The following GPC1 variants were observed in gnomAD, a reference collection of about 807,000 sequenced individuals.
GPC1 encodes glypican 1, also known as glypican-1.
GPC1 carries 26 observed loss-of-function variants against 51.5 expected under a neutral mutation model. The ratio of observed to expected loss-of-function variants is 0.50; its 90% CI spans 0.37 to 0.70. The LOEUF (loss-of-function observed/expected upper bound fraction) is 0.70. GPC1 is among the 30% of genes least tolerant of loss of function. GPC1 has a pLI of 0.00. For synonymous variants in GPC1, 380 were observed against 348.3 expected, an observed-to-expected ratio of 1.09 and a Z score of -1.01; for missense variants, 775 against 800.5, an observed-to-expected ratio of 0.97 and a Z score of 0.38.
intron 1 of GPC1, among the ~76,000 whole-genome samples, chr2:240,454,552 G>T (rs2074138235): frequency 6.6e-6 from 1 of 152,240 alleles, no homozygotes; most frequent in Non-Finnish European, 1.5e-5. Flanking sequence ...GAGCGGGGAG[G>T]CCTAGGCTCT....
Position 240,467,473 on chromosome 2 carries a change from C to T in GPC1, c.*1183C>T, listed in dbSNP as rs1368311467. ...ACCTTGGACCCTGGTGACCTCCTGT[C>T]ACTCACTGAGGCCATCAGGGCCCTG... On this transcript the variant is annotated 3_prime_UTR_variant, in exon 9 of 9. Coordinates refer to ENST00000264039, the MANE Select transcript of GPC1 (RefSeq NM_002081.3). The T allele has an allele frequency of 6.6e-6, 1 of 152,242 alleles. No homozygotes were observed. The highest frequency in any genetic ancestry group is 6.5e-5 in the Admixed American group (1 of 15,284). The allele number at this position is 152,242 out of a possible 1,614,324, so 9.4% of individuals were successfully genotyped here.
At chr2:240,462,973 C>T (rs2074229332) in intron 3 of GPC1, among the ~76,000 whole-genome samples, 1 of 152,200 alleles carries the variant, frequency 6.6e-6, no homozygotes, top group African/African-American at 2.4e-5. Flanking sequence ...CAGGGGGATG[C>T]CTTGGTCCCT....
chr2:240,446,259 G>A (rs1183244365), intron 1 of GPC1, among the ~76,000 whole-genome samples: 1 of 152,152 alleles, frequency 6.6e-6, no homozygotes, highest in East Asian at 1.9e-4. Context: ...TGCCGTGCGA[G>A]TGAGAGGGAC....
intron 1 of GPC1, chr2:240,455,925 GGGCCGCCTCGATCCAGCCTGCCCGA>G (rs2074155913): frequency 2.9e-6 from 1 of 342,298 alleles, no homozygotes; most frequent in Non-Finnish European, 5.7e-6. Flanking sequence ...GGGCCTCAGG[GGGCCGCCTCGATCCAGCCTGCCCGA>G]GGCTCCCAGG....
intron 1 of GPC1, chr2:240,451,810 G>C (rs2074101645): frequency 6.5e-6 from 1 of 153,626 alleles, no homozygotes; most frequent in African/African-American, 2.4e-5. Context: ...CCATCTGATG[G>C]ACCCCTGCCG....
intron 1 of GPC1, among the ~76,000 whole-genome samples, chr2:240,439,998 G>A (rs562772936): frequency 3.9e-4 from 59 of 152,342 alleles, no homozygotes; most frequent in African/African-American, 1.1e-3. Flanking sequence ...CACTCCTCAG[G>A]CACAGATGCC....
intron 1 of GPC1, chr2:240,458,213 C>T (rs539116550): frequency 7.6e-6 from 3 of 395,668 alleles, no homozygotes; most frequent in African/African-American, 4.1e-5. Flanking sequence ...TTTCCTGATG[C>T]CACACACCCA....
intron 2 of GPC1, among the ~76,000 whole-genome samples, chr2:240,460,635 C>A (rs568517291): frequency 6.6e-6 from 1 of 152,226 alleles, no homozygotes; most frequent in African/African-American, 2.4e-5. Context: ...CCTGCCGCCG[C>A]CCTCCCTCTG....
At chr2:240,455,044 G>A in intron 1 of GPC1, 1 of 185,748 alleles carries the variant, frequency 5.4e-6, no homozygotes, top group South Asian at 1.0e-4. Flanking sequence ...AGGCTGGTGG[G>A]GGCTTAGTGA....
intron 4 of GPC1, 89 bp from the exon 5 acceptor site, chr2:240,464,527 A>G (rs1403636242): frequency 1.4e-6 from 2 of 1,400,434 alleles, no homozygotes; most frequent in Non-Finnish European, 2.0e-6. Context: ...CTGCATTAAC[A>G]TGCACACGTG....
Position 240,459,144 on chromosome 2 carries a change from G to T in GPC1, c.281G>T (p.Arg94Leu). The change falls in exon 2 of 9, where the codon CGC becomes CTC. Residue 94 changes from arginine (R) to leucine (L), a missense_variant. By Grantham distance (102) the Arg-to-Leu change is moderately radical (BLOSUM62 -2). Transcript: ENST00000264039. Reference sequence around the variant, plus strand: ...GAGACCGCGCTCCGGGACAGCAGCCGCGTCCTGCAGGCCATGCTTGCCACC... The same window carrying T: ...GAGACCGCGCTCCGGGACAGCAGCCTCGTCCTGCAGGCCATGCTTGCCACC... ...ELETALRDSS[R>L]VLQAMLATQL... 1 of 1,612,576 alleles carries T rather than the reference G, an allele frequency of 6.2e-7. No homozygotes were observed. The highest frequency in any genetic ancestry group is 8.5e-7 in the Non-Finnish European group (1 of 1,179,846).
At chr2:240,463,273 G>A in intron 3 of GPC1, 74 bp from the exon 4 acceptor site, 2 of 1,356,400 alleles carry the variant, frequency 1.5e-6, no homozygotes, top group Non-Finnish European at 2.1e-6. Flanking sequence ...CTACCCTGGG[G>A]CTTCGTTAGG....
At chr2:240,459,255 G>A (rs1213158846) in intron 2 of GPC1, 67 bp downstream of exon 2, 6 of 1,444,516 alleles carry the variant, frequency 4.2e-6, no homozygotes, top group Admixed American at 1.9e-5. Flanking sequence ...GGCACACTGG[G>A]CCTTGCCTGG....
At chr2:240,441,399 G>A (rs2074016001) in intron 1 of GPC1, among the ~76,000 whole-genome samples, 1 of 152,202 alleles carries the variant, frequency 6.6e-6, no homozygotes, top group Non-Finnish European at 1.5e-5. Flanking sequence ...GGGCCAGTGA[G>A]AGGCTGGACG....
chr2:240,444,415 C>A (rs2074036893), intron 1 of GPC1, among the ~76,000 whole-genome samples: 1 of 152,192 alleles, frequency 6.6e-6, no homozygotes, highest in African/African-American at 2.4e-5. Context: ...CACTGTCCAT[C>A]CTGAGCCCCG....
chr2:240,438,970 C>T (rs758343677), intron 1 of GPC1, among the ~76,000 whole-genome samples: 2 of 152,144 alleles, frequency 1.3e-5, no homozygotes, highest in East Asian at 3.9e-4. Context: ...GGTGCCCCTG[C>T]GCTGCCAGGA....
intron 2 of GPC1, among the ~76,000 whole-genome samples, chr2:240,461,697 G>A (rs1455467588): frequency 1.3e-5 from 2 of 152,162 alleles, no homozygotes; most frequent in Non-Finnish European, 2.9e-5. Flanking sequence ...GCCGAGACAG[G>A]GTGGCGGGAG....
chr2:240,464,504 C>A (rs967963811), intron 4 of GPC1, 112 bp from the exon 5 acceptor site: 2 of 1,394,176 alleles, frequency 1.4e-6, no homozygotes, highest in Admixed American at 1.7e-5. Context: ...CATGCTGACC[C>A]GTGCTGTCAA....
chr2:240,460,740 C>T (rs959253888), intron 2 of GPC1, among the ~76,000 whole-genome samples: 2 of 152,170 alleles, frequency 1.3e-5, no homozygotes, highest in Non-Finnish European at 2.9e-5. Context: ...TTAAAAATGA[C>T]CCACTATGTG....
Sources: allele counts gnomAD v4.1 joint callset (sites outside exome capture counted in the v4.1 genomes callset), GRCh38; gene constraint gnomAD v4.1.1; transcripts MANE v1.5; gene names NCBI Gene and HGNC (gene_info 2026-07-23, HGNC 2026-07-21).